The following ZNF827 variants were observed in gnomAD, a reference collection of about 807,000 sequenced individuals.
ZNF827 encodes zinc finger protein 827.
ZNF827 carries 13 observed loss-of-function variants against 102.4 expected under a neutral mutation model. The observed-to-expected ratio is 0.13, with a 90% CI of 0.08 to 0.20. The LOEUF (loss-of-function observed/expected upper bound fraction) is 0.20, where lower values mean the gene tolerates loss of function less well. ZNF827 is among the 10% of genes least tolerant of loss of function. The pLI is 1.00. For missense variants in ZNF827, 1,103 were observed against 1,344.4 expected, an observed-to-expected ratio of 0.82 and a Z score of 2.81; for synonymous variants, 523 against 536.2, an observed-to-expected ratio of 0.98 and a Z score of 0.34.
intron 7 of ZNF827, among the ~76,000 whole-genome samples, chr4:145,830,231 C>A (rs1236508067): frequency 6.6e-6 from 1 of 150,668 alleles, no homozygotes; most frequent in Admixed American, 6.6e-5. Context: ...CTAGAGCTTG[C>A]TAATAATAAC....
At chr4:145,879,770 C>T (rs17020769) in intron 4 of ZNF827, among the ~76,000 whole-genome samples, 66,597 of 152,042 alleles carry the variant, frequency 0.44, 14,837 homozygotes, top group Admixed American at 0.5. Flanking sequence ...AATTCTAAAG[C>T]TGTCTGACAT....
rs1195191456 is a variant in ZNF827, at chr4:145,829,410, T to TA, written c.2280-5886dup. 2.5e-4 allele frequency among the ~76,000 whole-genome samples: 38 copies of TA among 150,008 alleles called. No individual in the cohort carries two copies. In the East Asian group the frequency reaches 4.3e-3, roughly 17 times the overall value. Reference sequence around the variant, plus strand: ...TAGATTTTTTTAAAATAGTGAATCTTAAAAAAAAAATTCTTCGGTGAATTA... The same window carrying TA: ...TAGATTTTTTTAAAATAGTGAATCTTAAAAAAAAAAATTCTTCGGTGAATTA... On this transcript the variant is annotated intron_variant, in intron 7 of 14. Transcript: ENST00000508784.
chr4:145,820,140 T>C (rs1279570460), intron 8 of ZNF827: 1 of 152,692 alleles, frequency 6.5e-6, no homozygotes. Flanking sequence ...TGGATCCCCT[T>C]GGCCCAGCAG....
rs933861530 is a variant in ZNF827, at chr4:145,778,423, C to T, written c.2521+951G>A. Among the ~76,000 whole-genome samples the T allele has an allele frequency of 3.3e-5, 5 of 152,294 alleles. No homozygotes were observed. The South Asian group carries it at 6.2e-4, about 19-fold the overall frequency. Reference sequence around the variant, plus strand: ...TGTTGGGATTATAGGCGTGAGCCATCGCGCCCGACAACAAAAACCTTTTTT... The same window carrying T: ...TGTTGGGATTATAGGCGTGAGCCATTGCGCCCGACAACAAAAACCTTTTTT... On this transcript the variant is annotated intron_variant, in intron 9 of 14. Transcript: ENST00000508784.
At chr4:145,867,304 G>A (rs1315559961) in intron 5 of ZNF827, among the ~76,000 whole-genome samples, 1 of 152,208 alleles carries the variant, frequency 6.6e-6, no homozygotes, top group Non-Finnish European at 1.5e-5. Flanking sequence ...ATGAAAAATT[G>A]AGCCTACTCT....
At chr4:145,820,955 TG>T (rs1357821748) in intron 8 of ZNF827, among the ~76,000 whole-genome samples, 1 of 152,242 alleles carries the variant, frequency 6.6e-6, no homozygotes, top group Non-Finnish European at 1.5e-5. Context: ...CTCCCAGCAC[TG>T]CATTTAGCAG....
chr4:145,795,873 G>T (rs1467893490), intron 8 of ZNF827, among the ~76,000 whole-genome samples: 1 of 152,206 alleles, frequency 6.6e-6, no homozygotes, highest in Non-Finnish European at 1.5e-5. Flanking sequence ...AATTCCTTTT[G>T]AATTTAATTT....
At chr4:145,926,718 A>G (rs866605870) in intron 1 of ZNF827, among the ~76,000 whole-genome samples, 95 of 152,150 alleles carry the variant, frequency 6.2e-4, no homozygotes, top group African/African-American at 2.2e-3. Context: ...TTAAAAGCCA[A>G]TATCAATTTT....
At chr4:145,825,920 C>T (rs1462509963) in intron 7 of ZNF827, among the ~76,000 whole-genome samples, 1 of 152,164 alleles carries the variant, frequency 6.6e-6, no homozygotes, top group Admixed American at 6.5e-5. Context: ...GAAGGGAGTC[C>T]TGCTGGATAC....
intron 1 of ZNF827, among the ~76,000 whole-genome samples, chr4:145,905,074 G>T (rs1269899409): frequency 6.6e-6 from 1 of 152,174 alleles, no homozygotes; most frequent in Non-Finnish European, 1.5e-5. Flanking sequence ...GTTTACATTG[G>T]TTTTATATTA....
At position 145,776,442 on chromosome 4, in the gene ZNF827, C is replaced by T. The variant is rs554893549; in HGVS notation, c.2522-482G>A. Among the ~76,000 whole-genome samples, 27 of 147,970 alleles carry T rather than the reference C, an allele frequency of 1.8e-4. No homozygotes were observed. In the South Asian group the frequency reaches 4.7e-3, roughly 26 times the overall value. ...CATCACTGCACTCCAGCCTGGGTGACGGAGATAAACCTTGTTTCAAAAAAA... is the reference window on the plus strand; with the variant it reads ...CATCACTGCACTCCAGCCTGGGTGATGGAGATAAACCTTGTTTCAAAAAAA... On this transcript the variant is annotated intron_variant, in intron 9 of 14. Coordinates refer to ENST00000508784, the MANE Select transcript of ZNF827 (RefSeq NM_001306215.2).
chr4:145,767,947 T>C (rs918949048), intron 11 of ZNF827, among the ~76,000 whole-genome samples: 5 of 152,186 alleles, frequency 3.3e-5, no homozygotes, highest in Non-Finnish European at 5.9e-5. Context: ...CATGGATAAA[T>C]TCATAATTTT....
intron 1 of ZNF827, among the ~76,000 whole-genome samples, chr4:145,909,293 G>T (rs115061864): frequency 0.015 from 2,322 of 152,238 alleles, 54 homozygotes; most frequent in African/African-American, 0.049. Flanking sequence ...GTAAATGACA[G>T]AAAACCAGCA....
At chr4:145,907,076 G>GA (rs1373488832) in intron 1 of ZNF827, 1 of 456,644 alleles carries the variant, frequency 2.2e-6, no homozygotes, top group African/African-American at 2.0e-5. Context: ...TTAAATAAAT[G>GA]GTGAGAGGAG....
intron 4 of ZNF827, among the ~76,000 whole-genome samples, chr4:145,873,560 G>A (rs1219986340): frequency 2.6e-5 from 4 of 152,198 alleles, no homozygotes; most frequent in African/African-American, 7.2e-5. Context: ...ACTAAAGGAG[G>A]AGTCCAGAAA....
intron 8 of ZNF827, among the ~76,000 whole-genome samples, chr4:145,783,942 G>A (rs1016065355): frequency 1.3e-5 from 2 of 152,164 alleles, no homozygotes; most frequent in Non-Finnish European, 2.9e-5. Context: ...TGGAGTTCTC[G>A]TGAATGGTTT....
intron 8 of ZNF827, among the ~76,000 whole-genome samples, chr4:145,797,556 G>A (rs1740498073): frequency 6.6e-6 from 1 of 152,148 alleles, no homozygotes; most frequent in East Asian, 1.9e-4. Context: ...TCTGGAGCTT[G>A]TTCACCAAGA....
chr4:145,790,515 T>G (rs762051860), intron 8 of ZNF827, among the ~76,000 whole-genome samples: 21 of 152,054 alleles, frequency 1.4e-4, no homozygotes, highest in Non-Finnish European at 2.2e-4. Context: ...ACCTATAGAG[T>G]TTTTAGAATA....
chr4:145,832,284 C>CA (rs1228894072), intron 7 of ZNF827: 4 of 140,870 alleles, frequency 2.8e-5, no homozygotes, highest in Non-Finnish European at 5.9e-5. Context: ...AACAAACAAA[C>CA]AAAAAACAAA....
Sources: allele counts gnomAD v4.1 joint callset (sites outside exome capture counted in the v4.1 genomes callset), GRCh38; gene constraint gnomAD v4.1.1; transcripts MANE v1.5; gene names NCBI Gene and HGNC (gene_info 2026-07-23, HGNC 2026-07-21).